SUGCT: variants seen among roughly 807,000 people sequenced by gnomAD.
SUGCT encodes succinyl-CoA:glutarate CoA-transferase.
In SUGCT, 41 loss-of-function variants were observed where a neutral mutation model predicts 55.0. That is an observed-to-expected ratio of 0.74 (90% CI 0.58 to 0.97). The LOEUF (loss-of-function observed/expected upper bound fraction) is 0.97. Among genes scored for constraint, SUGCT ranks in the 50% least tolerant of loss-of-function variants. The probability of loss-of-function intolerance (pLI) is 0.00; values close to 1 mark genes in which losing one functional copy is unlikely to be tolerated. For synonymous variants in SUGCT, 187 were observed against 200.4 expected (o/e 0.93, Z 0.56); for missense variants, 568 against 547.8 (o/e 1.04, Z -0.37).
chr7:40,810,119 ATTTCT>A (rs1467740656), intron 13 of SUGCT, among the ~76,000 whole-genome samples: 2 of 150,818 alleles, frequency 1.3e-5, no homozygotes, highest in Non-Finnish European at 3.0e-5. Context: ...TGGTAGAATG[ATTTCT>A]TTTCTTTTTT....
At chr7:40,238,047 T>C (rs1003049207) in intron 7 of SUGCT, among the ~76,000 whole-genome samples, 1 of 152,208 alleles carries the variant, frequency 6.6e-6, no homozygotes, top group Admixed American at 6.5e-5. Flanking sequence ...TCAAGCTTAA[T>C]ATAGGCACCT....
intron 9 of SUGCT, among the ~76,000 whole-genome samples, chr7:40,401,620 A>C (rs947763803): frequency 4.6e-5 from 7 of 152,232 alleles, no homozygotes; most frequent in African/African-American, 1.4e-4. Context: ...GGAACTGACC[A>C]TTCATTTAAT....
chr7:40,140,188 G>C (rs965397460), intron 1 of SUGCT, among the ~76,000 whole-genome samples: 1 of 152,102 alleles, frequency 6.6e-6, no homozygotes, highest in African/African-American at 2.4e-5. Context: ...ATAGGTGTGA[G>C]CCACCGTGTC....
At chr7:40,396,463 G>T (rs1366017728) in intron 9 of SUGCT, among the ~76,000 whole-genome samples, 1 of 152,006 alleles carries the variant, frequency 6.6e-6, no homozygotes, top group African/African-American at 2.4e-5. Context: ...CAACCTTTAG[G>T]ACTGTCTAAA....
intron 1 of SUGCT, among the ~76,000 whole-genome samples, chr7:40,173,046 G>A (rs1784751575): frequency 6.6e-6 from 1 of 152,198 alleles, no homozygotes; most frequent in Admixed American, 6.5e-5. Flanking sequence ...ATGATATGGT[G>A]GCAGGCTGCT....
At chr7:40,665,548 T>G (rs1801582090) in intron 12 of SUGCT, among the ~76,000 whole-genome samples, 2 of 150,496 alleles carry the variant, frequency 1.3e-5, no homozygotes, top group African/African-American at 4.9e-5. Flanking sequence ...GAAAACACCG[T>G]TTTAAGAAGA....
At chr7:40,278,328 G>T (rs1014510668) in intron 8 of SUGCT, among the ~76,000 whole-genome samples, 3 of 152,168 alleles carry the variant, frequency 2.0e-5, no homozygotes, top group South Asian at 2.1e-4. Flanking sequence ...ACTGTTGGTG[G>T]GACTGTAAAC....
chr7:40,237,528 G>A (rs1372829181), intron 6 of SUGCT, 107 bp from the exon 7 acceptor site: 2 of 875,114 alleles, frequency 2.3e-6, no homozygotes, highest in Admixed American at 3.7e-5. Context: ...TAATAGTCTC[G>A]AAATGCTGCA....
At chr7:40,839,778 A>G (rs1793182645) in intron 13 of SUGCT, among the ~76,000 whole-genome samples, 2 of 151,498 alleles carry the variant, frequency 1.3e-5, no homozygotes. Context: ...TTATTTTGTT[A>G]ACCACAATTT....
intron 12 of SUGCT, among the ~76,000 whole-genome samples, chr7:40,537,524 T>A (rs1794433592): frequency 6.6e-6 from 1 of 152,118 alleles, no homozygotes; most frequent in South Asian, 2.1e-4. Flanking sequence ...AATAAAAAAA[T>A]GTACATTAGA....
At chr7:40,678,298 G>A (rs905011368) in intron 12 of SUGCT, among the ~76,000 whole-genome samples, 4 of 151,948 alleles carry the variant, frequency 2.6e-5, no homozygotes, top group Non-Finnish European at 5.9e-5. Flanking sequence ...TCTCTCACTC[G>A]GCATTGGTTT....
chr7:40,996,743 C>T, the SUGCT span, among the ~76,000 whole-genome samples: 5 of 152,226 alleles, frequency 3.3e-5, no homozygotes, highest in East Asian at 9.6e-4. Flanking sequence ...CACCTTCCTT[C>T]AGCTCCCAAT....
At chr7:40,343,899 G>T (rs901208169) in intron 9 of SUGCT, among the ~76,000 whole-genome samples, 6 of 152,124 alleles carry the variant, frequency 3.9e-5, no homozygotes, top group Non-Finnish European at 8.8e-5. Flanking sequence ...CTCGTGATCT[G>T]CCCGCCTCGG....
chr7:40,373,735 T>C (rs1784412130), intron 9 of SUGCT, among the ~76,000 whole-genome samples: 1 of 152,164 alleles, frequency 6.6e-6, no homozygotes, highest in Non-Finnish European at 1.5e-5. Context: ...TAATTATGTT[T>C]GTGCCAAATT....
chr7:40,455,058 C>G (rs556931793), intron 10 of SUGCT, among the ~76,000 whole-genome samples: 101 of 152,082 alleles, frequency 6.6e-4, no homozygotes, highest in African/African-American at 2.3e-3. Context: ...GTATGTAGAT[C>G]TAACATACAG....
At chr7:40,569,198 T>C (rs1796304759) in intron 12 of SUGCT, among the ~76,000 whole-genome samples, 1 of 152,192 alleles carries the variant, frequency 6.6e-6, no homozygotes. Context: ...TCAGGGATTT[T>C]AGATCTTAAG....
the SUGCT span, among the ~76,000 whole-genome samples, chr7:40,883,244 A>G: frequency 6.6e-6 from 1 of 152,200 alleles, no homozygotes; most frequent in South Asian, 2.1e-4. Context: ...TATTTGGAAT[A>G]AAAAACAGCT....
chr7:40,993,467 G>C, the SUGCT span, among the ~76,000 whole-genome samples: 1 of 152,192 alleles, frequency 6.6e-6, no homozygotes, highest in Non-Finnish European at 1.5e-5. Flanking sequence ...CAAAGCCTGG[G>C]TGGAGAGCTT....
the SUGCT span, among the ~76,000 whole-genome samples, chr7:40,959,730 AC>A: frequency 7.0e-6 from 1 of 142,226 alleles, no homozygotes; most frequent in Non-Finnish European, 1.5e-5. Context: ...AAAAAAAAAA[AC>A]TCCTACAGCT....
Sources: allele counts gnomAD v4.1 joint callset (sites outside exome capture counted in the v4.1 genomes callset), GRCh38; gene constraint gnomAD v4.1.1; transcripts MANE v1.5; gene names NCBI Gene and HGNC (gene_info 2026-07-23, HGNC 2026-07-21).